OSMR: variants seen among roughly 807,000 people sequenced by gnomAD.
OSMR encodes the protein oncostatin-M-specific receptor subunit beta.
OSMR carries 81 observed loss-of-function variants against 99.9 expected under a neutral mutation model. The ratio of observed to expected loss-of-function variants is 0.81; its 90% confidence interval spans 0.68 to 0.97. OSMR has a LOEUF of 0.97. Among genes scored for constraint, OSMR ranks in the 50% least tolerant of loss-of-function variants. The probability of loss-of-function intolerance (pLI) is 0.00; values close to 1 mark genes in which losing one functional copy is unlikely to be tolerated. For synonymous variants in OSMR, 406 were observed against 410.4 expected, an observed-to-expected ratio of 0.99 and a Z score of 0.13; for missense variants, 1,099 against 1,153.4, an observed-to-expected ratio of 0.95 and a Z score of 0.68.
chr5:38,855,636 G>A (rs1162312186), intron 1 of OSMR, among the ~76,000 whole-genome samples: 2 of 151,940 alleles, frequency 1.3e-5, no homozygotes, highest in South Asian at 2.1e-4. Flanking sequence ...CTGCTTCCAC[G>A]GCTGTCACCT....
chr5:38,849,757 A>G (rs1295913058), intron 1 of OSMR, among the ~76,000 whole-genome samples: 19 of 152,216 alleles, frequency 1.2e-4, no homozygotes, highest in Admixed American at 1.2e-3. Flanking sequence ...GACTTATCTG[A>G]TTTCAAATAT....
rs141520339 is a variant in OSMR, at chr5:38,882,615, T to C, written c.418+851T>C. Among the ~76,000 whole-genome samples the C allele has an allele frequency of 9.1e-4, 138 of 151,426 alleles. 1 individual carries two copies. The highest frequency in any genetic ancestry group is 3.3e-3 in the African/African-American group (134 of 41,208). The stretch of plus-strand genomic sequence containing the variant: ...AAAAACAACAGATGGTGGACTCAAA[T>C]TGTAGCTCCCCCGAATCTAGACGGC... On this transcript the variant is annotated intron_variant, in intron 4 of 17. Coordinates refer to ENST00000274276, the MANE Select transcript of OSMR (RefSeq NM_003999.3).
chr5:38,889,699 A>T (rs2112436476), intron 7 of OSMR, among the ~76,000 whole-genome samples: 1 of 152,098 alleles, frequency 6.6e-6, no homozygotes, highest in Admixed American at 6.5e-5. Context: ...CTTTGCTCTT[A>T]TTATTTGGTA....
intron 11 of OSMR, among the ~76,000 whole-genome samples, chr5:38,920,527 G>A (rs1227801163): frequency 6.6e-6 from 1 of 152,204 alleles, no homozygotes; most frequent in African/African-American, 2.4e-5. Flanking sequence ...AGGAAGGCAG[G>A]GAAGCCATGT....
chr5:38,932,448 C>A lies in OSMR; in HGVS notation c.2295-15C>A, dbSNP rs542968322. ...GTACTGTGAAATTCAGTCTCATTTTCGCTTTTTTTTCTAGGATCAAGGAGA... is the reference window on the plus strand; with the variant it reads ...GTACTGTGAAATTCAGTCTCATTTTAGCTTTTTTTTCTAGGATCAAGGAGA... On this transcript the variant is annotated splice_polypyrimidine_tract_variant and intron_variant, in intron 16 of 17. Transcript: ENST00000274276. 1.5e-5 allele frequency: 24 copies of A among 1,604,018 alleles called. No homozygotes were observed. Among genetic ancestry groups the A allele is most frequent in the Non-Finnish European group, 2.0e-5 (23 of 1,170,908 alleles).
At chr5:38,930,727 T>A (rs563983489) in intron 15 of OSMR, among the ~76,000 whole-genome samples, 141 of 152,228 alleles carry the variant, frequency 9.3e-4, no homozygotes, top group Non-Finnish European at 1.2e-3. Flanking sequence ...GTAATGGAAA[T>A]ACTTATGCCA....
intron 2 of OSMR, among the ~76,000 whole-genome samples, chr5:38,873,499 T>A (rs1742549781): frequency 6.6e-6 from 1 of 152,224 alleles, no homozygotes; most frequent in Non-Finnish European, 1.5e-5. Flanking sequence ...AACTTTTTTG[T>A]TTTGAAGACA....
At chr5:38,921,457 C>T (rs1746229393) in intron 11 of OSMR, 158 bp from the exon 12 acceptor site, 2 of 983,202 alleles carry the variant, frequency 2.0e-6, no homozygotes, top group African/African-American at 1.7e-5. Context: ...AGAACTCACC[C>T]ATGAAAACAT....
At chr5:38,848,353 A>G (rs16867789) in intron 1 of OSMR, among the ~76,000 whole-genome samples, 3,211 of 152,320 alleles carry the variant, frequency 0.021, 97 homozygotes, top group African/African-American at 0.065. Context: ...TTGTAGCTAC[A>G]TGAAGAGAGA....
chr5:38,892,005 C>T lies in OSMR; in HGVS notation c.991+5815C>T, dbSNP rs562181157. Among the ~76,000 whole-genome samples, 114 of 151,376 alleles carry T rather than the reference C, an allele frequency of 7.5e-4. 1 individual carries two copies. The highest frequency in any genetic ancestry group is 1.4e-3 in the Non-Finnish European group (94 of 67,902). On this transcript the variant is annotated intron_variant, in intron 7 of 17. Transcript: ENST00000274276. ...CTTGGGCTCCAGCACAATAACCACA[C>T]CCTCACCTGAACACTGTGGGCAGTC...
chr5:38,912,250 A>G (rs1390945944), intron 9 of OSMR, among the ~76,000 whole-genome samples: 1 of 152,236 alleles, frequency 6.6e-6, no homozygotes, highest in East Asian at 1.9e-4. Context: ...AGATCGATGT[A>G]CAAAAATCAG....
intron 5 of OSMR, chr5:38,885,047 C>A: frequency 3.7e-6 from 1 of 273,104 alleles, no homozygotes; most frequent in Non-Finnish European, 5.6e-6. Flanking sequence ...CGAAATGAAA[C>A]ATTGGCAGGC....
intron 1 of OSMR, among the ~76,000 whole-genome samples, chr5:38,863,490 T>G (rs1741679825): frequency 6.6e-6 from 1 of 152,032 alleles, no homozygotes; most frequent in Non-Finnish European, 1.5e-5. Flanking sequence ...TGAGCTGAGA[T>G]CGCGCCACTG....
chr5:38,931,849 T>TATTA, intron 15 of OSMR, 34 bp from the exon 16 acceptor site: 1 of 1,596,654 alleles, frequency 6.3e-7, no homozygotes, highest in Non-Finnish European at 8.6e-7. Flanking sequence ...GAAAAGTACT[T>TATTA]ATTAAAAATG....
chr5:38,883,578 G>A (rs1743468731), intron 4 of OSMR: 3 of 373,046 alleles, frequency 8.0e-6, no homozygotes, highest in South Asian at 1.1e-4. Flanking sequence ...TATCAGAGTG[G>A]TAATAGTAAT....
Position 38,933,218 on chromosome 5 carries a change from T to G in OSMR, c.2714T>G (p.Leu905Arg). 1 of 1,614,178 alleles carries G rather than the reference T, an allele frequency of 6.2e-7. No homozygotes were observed. The highest frequency in any genetic ancestry group is 8.5e-7 in the Non-Finnish European group (1 of 1,180,016). ...KALEKNYMNS[L>R]GEIPAGETSL... ...CTAGAAAAAAACTACATGAACTCCC[T>G]GGGAGAAATCCCAGCTGGAGAAACA... The change falls in exon 18 of 18, where the codon CTG (leucine) becomes CGG (arginine). Residue 905 changes from leucine (L) to arginine (R), a missense_variant. Coordinates refer to ENST00000274276, the MANE Select transcript of OSMR (RefSeq NM_003999.3).
downstream of OSMR, chr5:38,939,602 A>C (rs551122845): frequency 4.3e-6 from 1 of 231,658 alleles, no homozygotes; most frequent in East Asian, 6.2e-5. Flanking sequence ...TCTTGAAAAA[A>C]AGTTCAATTA....
chr5:38,911,110 A>T (rs1745547883), intron 9 of OSMR, among the ~76,000 whole-genome samples: 2 of 152,210 alleles, frequency 1.3e-5, no homozygotes, highest in Non-Finnish European at 2.9e-5. Context: ...AACTGAAGGA[A>T]ATTGAGATGC....
chr5:38,942,704 C>T (rs756343226), intron 1 of OSMR: 145 of 722,342 alleles, frequency 2.0e-4, no homozygotes, highest in Non-Finnish European at 2.8e-4. Flanking sequence ...AATTCTCCCG[C>T]GCTGACCCCA....
Sources: gnomAD v4.1 joint callset for allele counts (sites outside exome capture counted in the v4.1 genomes callset) on GRCh38, gnomAD v4.1.1 for gene constraint, MANE v1.5 for transcripts, NCBI Gene and HGNC (gene_info 2026-07-23, HGNC 2026-07-21) for gene names.